Variants in EYS observed in about 807,000 individuals in gnomAD.
EYS encodes the protein EGF-like photoreceptor maintenance factor.
EYS carries 250 observed loss-of-function variants against 282.1 expected under a neutral mutation model. The observed-to-expected ratio is 0.89, with a 90% CI of 0.80 to 0.98. The LOEUF (loss-of-function observed/expected upper bound fraction) is 0.98, where lower values mean the gene tolerates loss of function less well. Ranked by LOEUF, EYS falls within the 50% of genes least tolerant of loss-of-function variation. The pLI is 0.00. For missense variants in EYS, 4,016 were observed against 3,709.0 expected (o/e 1.08, Z -2.15); for synonymous variants, 1,355 against 1,282.9 (o/e 1.06, Z -1.20).
intron 35 of EYS, among the ~76,000 whole-genome samples, chr6:63,939,472 C>A (rs895075362): frequency 3.9e-5 from 6 of 152,062 alleles, no homozygotes; most frequent in African/African-American, 1.4e-4. Context: ...AAATTGCTTT[C>A]TTTCTGGGTT....
intron 12 of EYS, among the ~76,000 whole-genome samples, chr6:65,135,662 AT>A (rs111931407): frequency 1.3e-5 from 2 of 151,104 alleles, no homozygotes; most frequent in Non-Finnish European, 3.0e-5. Flanking sequence ...AATCTCATTC[AT>A]TTTTTTTTAA....
chr6:64,548,685 TG>T (rs1318301790), intron 26 of EYS, among the ~76,000 whole-genome samples: 2 of 150,372 alleles, frequency 1.3e-5, no homozygotes, highest in Admixed American at 1.3e-4. Context: ...TTGTGGGGTG[TG>T]GGGAGGGGGG....
At chr6:64,908,082 C>A (rs1767885121) in intron 16 of EYS, among the ~76,000 whole-genome samples, 1 of 152,134 alleles carries the variant, frequency 6.6e-6, no homozygotes, top group East Asian at 1.9e-4. Context: ...ACTTGTCATC[C>A]CTTGTGCATA....
At chr6:64,607,297 A>G (rs1167018711) in intron 24 of EYS, among the ~76,000 whole-genome samples, 1 of 152,070 alleles carries the variant, frequency 6.6e-6, no homozygotes, top group Non-Finnish European at 1.5e-5. Flanking sequence ...GTTAAAAAAA[A>G]AAAAGAAAAA....
chr6:64,921,142 A>G (rs1443644573), intron 15 of EYS, among the ~76,000 whole-genome samples: 1 of 152,144 alleles, frequency 6.6e-6, no homozygotes, highest in Non-Finnish European at 1.5e-5. Context: ...TTAAAACTAT[A>G]TACTCTAATT....
chr6:65,667,268 A>G (rs1352339402), intron 1 of EYS, among the ~76,000 whole-genome samples: 1 of 151,856 alleles, frequency 6.6e-6, no homozygotes, highest in Non-Finnish European at 1.5e-5. Flanking sequence ...AAATTCTTCC[A>G]CTGTGCTTAA....
chr6:64,600,187 C>A (rs1272351580), intron 24 of EYS, among the ~76,000 whole-genome samples: 1 of 151,956 alleles, frequency 6.6e-6, no homozygotes, highest in Non-Finnish European at 1.5e-5. Context: ...CCATTGCTGA[C>A]CTCTGTTTAC....
chr6:64,840,514 T>G (rs1765530765), intron 19 of EYS, among the ~76,000 whole-genome samples: 1 of 152,114 alleles, frequency 6.6e-6, no homozygotes, highest in South Asian at 2.1e-4. Flanking sequence ...TTCCTTCATA[T>G]CCACATGTTT....
chr6:63,783,060 G>GA (rs1770275971), intron 39 of EYS, among the ~76,000 whole-genome samples: 1 of 151,356 alleles, frequency 6.6e-6, no homozygotes, highest in Non-Finnish European at 1.5e-5. Context: ...AAAGGAGAGA[G>GA]AAAAAAATTG....
chr6:65,103,700 C>A (rs897345635), intron 12 of EYS, among the ~76,000 whole-genome samples: 1 of 151,436 alleles, frequency 6.6e-6, no homozygotes, highest in African/African-American at 2.4e-5. Flanking sequence ...CCCATTAGAT[C>A]TTTTTTCCAG....
At chr6:64,589,823 T>TA (rs1024860543) in intron 26 of EYS, among the ~76,000 whole-genome samples, 11 of 151,882 alleles carry the variant, frequency 7.2e-5, no homozygotes, top group Admixed American at 1.3e-4. Context: ...TTTCCCATAT[T>TA]AAAAAAAATG....
chr6:64,766,684 A>ATATATATATATATATATAT (rs1562180064), intron 22 of EYS, among the ~76,000 whole-genome samples: 11 of 110,926 alleles, frequency 9.9e-5, no homozygotes, highest in Non-Finnish European at 1.7e-4. Flanking sequence ...ATATATATAT[A>ATATATATATATATATATAT]AAATCTAACA....
rs532938025 is a variant in EYS, at chr6:65,689,388, G to C, written c.-448+17747C>G. 1.0e-3 allele frequency among the ~76,000 whole-genome samples: 155 copies of C among 149,696 alleles called. 8 individuals are homozygous for C. Among genetic ancestry groups the C allele is most frequent in the Admixed American group, 1.9e-3 (28 of 14,870 alleles). On this transcript the variant is annotated intron_variant, in intron 1 of 42. Transcript: ENST00000503581. Reference sequence around the variant, plus strand: ...GGGGCCTGTTGTGGAGTGGGGGTAGGGGGGAGGGATAGCATTTGGAGATAT... The same window carrying C: ...GGGGCCTGTTGTGGAGTGGGGGTAGCGGGGAGGGATAGCATTTGGAGATAT...
intron 22 of EYS, among the ~76,000 whole-genome samples, chr6:64,778,873 G>A (rs1773767811): frequency 6.6e-6 from 1 of 152,048 alleles, no homozygotes; most frequent in Non-Finnish European, 1.5e-5. Flanking sequence ...CAAATAAGAT[G>A]TACAGATGGC....
intron 2 of EYS, among the ~76,000 whole-genome samples, chr6:65,572,361 C>T (rs563693223): frequency 2.0e-5 from 3 of 152,082 alleles, no homozygotes; most frequent in African/African-American, 7.2e-5. Flanking sequence ...AGAAACAGTT[C>T]TTTAAAAAGG....
At chr6:64,164,992 A>G (rs1764238094) in intron 31 of EYS, among the ~76,000 whole-genome samples, 1 of 152,132 alleles carries the variant, frequency 6.6e-6, no homozygotes, top group South Asian at 2.1e-4. Context: ...AATGAAATAA[A>G]TGAAACTTAA....
chr6:64,983,406 TG>T (rs1489267350), intron 14 of EYS, among the ~76,000 whole-genome samples: 9 of 151,284 alleles, frequency 5.9e-5, no homozygotes. Flanking sequence ...ATGAGCTATT[TG>T]TGTCAGGATA....
At chr6:65,042,591 G>C (rs1221146915) in intron 13 of EYS, among the ~76,000 whole-genome samples, 1 of 151,198 alleles carries the variant, frequency 6.6e-6, no homozygotes, top group Non-Finnish European at 1.5e-5. Context: ...TTTTACACCA[G>C]TATGGTTCAA....
At chr6:65,471,560 C>T (rs2127240878) in intron 5 of EYS, among the ~76,000 whole-genome samples, 1 of 152,236 alleles carries the variant, frequency 6.6e-6, no homozygotes, top group East Asian at 1.9e-4. Flanking sequence ...TTTTCACTAA[C>T]TCCTGCTTTG....
Sources: gnomAD v4.1 joint callset for allele counts (sites outside exome capture counted in the v4.1 genomes callset) on GRCh38, gnomAD v4.1.1 for gene constraint, MANE v1.5 for transcripts, NCBI Gene and HGNC (gene_info 2026-07-23, HGNC 2026-07-21) for gene names.